Variants in SHROOM2 observed in about 807,000 individuals in gnomAD.
The protein encoded by SHROOM2 is protein Shroom2.
A neutral mutation model predicts 75.9 loss-of-function variants in SHROOM2; 33 were observed. The observed-to-expected ratio is 0.43, with a 90% CI of 0.33 to 0.58. The LOEUF (loss-of-function observed/expected upper bound fraction) is 0.58. Among genes scored for constraint, SHROOM2 ranks in the 20% least tolerant of loss-of-function variants. The pLI is 0.04. For missense variants in SHROOM2, 1,434 were observed against 1,461.2 expected (o/e 0.98, Z 0.30); for synonymous variants, 655 against 663.6 (o/e 0.99, Z 0.20).
chrX:9,895,806 A>G lies in SHROOM2; in HGVS notation c.1898A>G (p.Glu633Gly). 8.3e-7 allele frequency: 1 copy of G among 1,203,289 alleles called. No individual in the cohort carries two copies. Among genetic ancestry groups the G allele is most frequent in the East Asian group, 3.0e-5 (1 of 33,665 alleles). ...SDRFATTLRN[E>G]IQMHRAKLQK... Reference sequence around the variant, plus strand: ...CGCTTTGCCACCACCCTGCGGAATGAGATCCAGATGCATAGAGCCAAGCTG... The same window carrying G: ...CGCTTTGCCACCACCCTGCGGAATGGGATCCAGATGCATAGAGCCAAGCTG... The change falls in exon 4 of 10, where the codon GAG (glutamate) becomes GGG (glycine). Residue 633 changes from glutamate to glycine, a missense_variant. Glu to Gly is a moderately conservative substitution (Grantham distance 98). Transcript: ENST00000380913.
chrX:9,942,133 A>G (rs919408577), intron 8 of SHROOM2, among the ~76,000 whole-genome samples: 10 of 111,587 alleles, frequency 9.0e-5, no homozygotes, highest in African/African-American at 2.6e-4. Context: ...CTTTTCCCTC[A>G]AGTGATGACT....
intron 1 of SHROOM2, among the ~76,000 whole-genome samples, chrX:9,787,306 A>T (rs1424221305): frequency 9.3e-6 from 1 of 107,893 alleles, no homozygotes; most frequent in East Asian, 2.8e-4. Context: ...TAATAATAAT[A>T]AAGAAATTCC....
chrX:9,805,371 T>C (rs1569136669), intron 1 of SHROOM2, among the ~76,000 whole-genome samples: 2 of 113,052 alleles, frequency 1.8e-5, no homozygotes, highest in Non-Finnish European at 3.7e-5. Flanking sequence ...ACAGTTGTTA[T>C]TGGTGCTATG....
intron 1 of SHROOM2, among the ~76,000 whole-genome samples, chrX:9,837,447 T>C (rs1414072678): frequency 8.9e-6 from 1 of 112,620 alleles, no homozygotes; most frequent in Non-Finnish European, 1.9e-5. Context: ...GGATAGAGGC[T>C]TCTAGAAGCA....
intron 1 of SHROOM2, among the ~76,000 whole-genome samples, chrX:9,858,015 T>C (rs1202916152): frequency 1.8e-5 from 2 of 111,549 alleles, no homozygotes; most frequent in African/African-American, 3.3e-5. Context: ...GCGTGTGCAC[T>C]CCAGGGCTTT....
At chrX:9,847,035 C>G (rs954484236) in intron 1 of SHROOM2, among the ~76,000 whole-genome samples, 6 of 112,356 alleles carry the variant, frequency 5.3e-5, no homozygotes, top group Non-Finnish European at 1.1e-4. Context: ...CATCTTCGAT[C>G]TGCTGGTTTT....
At chrX:9,802,578 A>G (rs73632616) in intron 1 of SHROOM2, among the ~76,000 whole-genome samples, 59 of 111,549 alleles carry the variant, frequency 5.3e-4, no homozygotes, top group African/African-American at 1.9e-3. Context: ...CTCTGTAATC[A>G]TTGGTCTTGC....
intron 1 of SHROOM2, among the ~76,000 whole-genome samples, chrX:9,792,641 C>G (rs2083673209): frequency 9.1e-6 from 1 of 109,741 alleles, no homozygotes; most frequent in Admixed American, 9.8e-5. Context: ...TTGAGGTCAA[C>G]AAGAACCCAG....
At chrX:9,838,747 AT>A (rs1171242641) in intron 1 of SHROOM2, among the ~76,000 whole-genome samples, 3 of 111,782 alleles carry the variant, frequency 2.7e-5, no homozygotes, top group Non-Finnish European at 5.6e-5. Flanking sequence ...AAACATTGGC[AT>A]GGGAGCGCCA....
intron 1 of SHROOM2, among the ~76,000 whole-genome samples, chrX:9,855,456 G>A (rs1274784385): frequency 2.7e-5 from 3 of 110,350 alleles, no homozygotes; most frequent in Non-Finnish European, 5.7e-5. Context: ...AGAATTTGGG[G>A]GCAGAAATTT....
At chrX:9,919,605 C>T (rs767697050) in intron 5 of SHROOM2, among the ~76,000 whole-genome samples, 22 of 110,064 alleles carry the variant, frequency 2.0e-4, no homozygotes, top group Non-Finnish European at 3.8e-4. Flanking sequence ...GCTGGGATTA[C>T]AGGCGTGAAC....
At chrX:9,795,435 C>T (rs5979178) in intron 1 of SHROOM2, among the ~76,000 whole-genome samples, 258 of 112,027 alleles carry the variant, frequency 2.3e-3, no homozygotes, top group African/African-American at 7.9e-3. Flanking sequence ...TCAAATGTTC[C>T]TTTTTCATAC....
chrX:9,887,401 C>T (rs189904379), intron 2 of SHROOM2, among the ~76,000 whole-genome samples: 13 of 112,458 alleles, frequency 1.2e-4, no homozygotes, highest in African/African-American at 4.2e-4. Flanking sequence ...AATCTCAGTG[C>T]TTTCGGAGGC....
chrX:9,926,091 C>T (rs1271674854), intron 5 of SHROOM2, among the ~76,000 whole-genome samples: 6 of 111,798 alleles, frequency 5.4e-5, no homozygotes, highest in Non-Finnish European at 1.1e-4. Flanking sequence ...AGGAAGCCCA[C>T]GCAACTCCAT....
intron 1 of SHROOM2, among the ~76,000 whole-genome samples, chrX:9,803,530 A>G (rs1265875832): frequency 1.8e-5 from 2 of 110,654 alleles, no homozygotes; most frequent in Non-Finnish European, 3.8e-5. Flanking sequence ...GACTCCAGAG[A>G]AGGGTGCCCG....
Position 9,948,440 on chromosome X carries a change from C to T in SHROOM2, c.*1503C>T, listed in dbSNP as rs751454450. The T allele has an allele frequency of 8.9e-6, 1 of 112,712 alleles. No individual in the cohort carries two copies. The highest frequency in any genetic ancestry group is 3.2e-5 in the African/African-American group (1 of 31,057). 9.3% of individuals were successfully genotyped at this position (112,712 alleles called of 1,213,427 possible). A position where few individuals can be genotyped will look rare whatever the true frequency, so the allele number is the denominator to read the frequency against. On this transcript the variant is annotated 3_prime_UTR_variant, in exon 10 of 10. Coordinates refer to ENST00000380913, the MANE Select transcript of SHROOM2 (RefSeq NM_001649.4). ...ACGGATCATTTTAACCCTGACTTCC[C>T]CTTATTCCCATAAAAGAAGTTTTCC... is the stretch of plus-strand genomic sequence containing the variant.
intron 1 of SHROOM2, among the ~76,000 whole-genome samples, chrX:9,816,065 T>G (rs2083819826): frequency 8.9e-6 from 1 of 112,533 alleles, no homozygotes; most frequent in Non-Finnish European, 1.9e-5. Flanking sequence ...TTGTGTCTGG[T>G]TTATCTCAGT....
intron 6 of SHROOM2, among the ~76,000 whole-genome samples, chrX:9,935,303 T>G (rs1333765868): frequency 1.1e-5 from 1 of 88,828 alleles, no homozygotes; most frequent in Admixed American, 1.2e-4. Context: ...CAGGTTTTCC[T>G]CCTTCTTTTA....
In SHROOM2 at chrX:9,883,917, A is replaced by G. The variant is rs767864532; in HGVS notation, c.318-7060A>G. Among the ~76,000 whole-genome samples the G allele has an allele frequency of 1.7e-3, 193 of 111,570 alleles. 1 individual carries two copies. Among genetic ancestry groups the G allele is most frequent in the African/African-American group, 6.1e-3 (186 of 30,642 alleles). ...ATCAGGAAGCTTGTCACAGTCCCTG[A>G]GGCCCCCAGACTGTTTCCAGGGCTT... is the stretch of plus-strand genomic sequence containing the variant. On this transcript the variant is annotated intron_variant, in intron 2 of 9. Transcript: ENST00000380913.
Sources: allele counts gnomAD v4.1 joint callset (sites outside exome capture counted in the v4.1 genomes callset), GRCh38; gene constraint gnomAD v4.1.1; transcripts MANE v1.5; gene names NCBI Gene and HGNC (gene_info 2026-07-23, HGNC 2026-07-21).